The following ZNF480 variants were observed in gnomAD, a reference collection of about 807,000 sequenced individuals.
ZNF480 encodes the protein zinc finger protein 480.
ZNF480 carries 15 observed loss-of-function variants against 14.4 expected under a neutral mutation model. The observed-to-expected ratio is 1.04, with a 90% CI of 0.70 to 1.60. The LOEUF (loss-of-function observed/expected upper bound fraction) is 1.60, where lower values mean the gene tolerates loss of function less well. Among genes scored for constraint, ZNF480 ranks in the 40% most tolerant of loss-of-function variants. The pLI is 0.00. For missense variants in ZNF480, 593 were observed against 629.7 expected, an observed-to-expected ratio of 0.94 and a Z score of 0.62; for synonymous variants, 218 against 215.5, an observed-to-expected ratio of 1.01 and a Z score of -0.10.
chr19:52,316,382 T>C (rs967426189), intron 4 of ZNF480, among the ~76,000 whole-genome samples: 2 of 152,036 alleles, frequency 1.3e-5, no homozygotes, highest in Non-Finnish European at 2.9e-5. Context: ...ACCTGCACCA[T>C]GCCTGGCTAA....
rs1275691370 is a variant in ZNF480 at position 52,315,871 on chromosome 19, G to A, written c.237G>A (p.Leu79=). 6.2e-7 allele frequency: 1 copy of A among 1,612,524 alleles called. No individual in the cohort carries two copies. Among genetic ancestry groups the A allele is most frequent in the Non-Finnish European group, 8.5e-7 (1 of 1,179,190 alleles). ...SLPDLNINSM[L]EQRREPWSGE... is the part of the protein sequence containing the mutation. ...CTGACCTGAATATTAACTCCATGTT[G>A]GAGCAAAGGAGGGAGCCCTGGTCTG... The change falls in exon 4 of 5, where the codon TTG becomes TTA. Residue 79 remains leucine, a synonymous_variant. Coordinates refer to ENST00000595962, the MANE Select transcript of ZNF480 (RefSeq NM_144684.4).
Position 52,300,403 on chromosome 19 carries a change from C to G in ZNF480, c.-10C>G. 6.4e-7 allele frequency: 1 copy of G among 1,565,798 alleles called. No individual in the cohort carries two copies. The highest frequency in any genetic ancestry group is 8.7e-7 in the Non-Finnish European group (1 of 1,153,760). ...TATTTTTGACATTTAGGATTGACTTCTAAAGAGTCATGCTGTGTGATGAAA... is the reference window on the plus strand; with the variant it reads ...TATTTTTGACATTTAGGATTGACTTGTAAAGAGTCATGCTGTGTGATGAAA... On this transcript the variant is annotated 5_prime_UTR_variant, in exon 2 of 5. Transcript: ENST00000595962.
chr19:52,304,278 G>T (rs1392127909), intron 2 of ZNF480, among the ~76,000 whole-genome samples: 1 of 152,186 alleles, frequency 6.6e-6, no homozygotes, highest in Non-Finnish European at 1.5e-5. Flanking sequence ...GACTATTAAA[G>T]GCCAATTTTT....
intron 2 of ZNF480, chr19:52,313,931 A>G (rs1343408273): frequency 7.7e-6 from 3 of 392,076 alleles, no homozygotes; most frequent in Non-Finnish European, 1.5e-5. Context: ...GTGAGCCGAG[A>G]TTGCACCACT....
intron 2 of ZNF480, chr19:52,302,171 T>G: frequency 5.3e-6 from 1 of 188,458 alleles, no homozygotes; most frequent in Non-Finnish European, 1.1e-5. Context: ...AAGTTATTAT[T>G]TTACCTATTT....
In ZNF480 at chr19:52,322,981, A is replaced by G; in HGVS notation, c.*123A>G. 1.3e-6 allele frequency: 1 copy of G among 766,064 alleles called. No homozygotes were observed. Among genetic ancestry groups the G allele is most frequent in the South Asian group, 3.2e-5 (1 of 31,586 alleles). 47.5% of individuals were successfully genotyped at this position (766,064 alleles called of 1,614,324 possible). On this transcript the variant is annotated 3_prime_UTR_variant, in exon 5 of 5. Coordinates refer to ENST00000595962, the MANE Select transcript of ZNF480 (RefSeq NM_144684.4). ...AAAGAATATGACAAGGTCTTCAAAC[A>G]CAAGTTTTTCTAATAACTCATTAGA... is the stretch of plus-strand genomic sequence containing the variant.
intron 1 of ZNF480, among the ~76,000 whole-genome samples, chr19:52,298,997 A>T (rs183198229): frequency 1.8e-4 from 28 of 152,216 alleles, no homozygotes; most frequent in Non-Finnish European, 8.8e-5. Flanking sequence ...ATTTGATAAT[A>T]TGAAATATAC....
chr19:52,314,340 T>C lies in ZNF480; in HGVS notation c.199+61T>C, dbSNP rs973938060. ...CCTTGGTTATTTCAGCATTTTCCCT[T>C]GTGTGCCTCCTGGGAGCCCCTGCAT... is the stretch of plus-strand genomic sequence containing the variant. On this transcript the variant is annotated intron_variant, in intron 3 of 4. Transcript: ENST00000595962. 9.9e-6 allele frequency: 14 copies of C among 1,411,340 alleles called. No individual in the cohort carries two copies. The African/African-American group carries it at 1.0e-4, about 10-fold the overall frequency. The allele number at this position is 1,411,340 out of a possible 1,614,324, so 87.4% of individuals were successfully genotyped here.
At position 52,322,672 on chromosome 19, in the gene ZNF480, G is replaced by C; in HGVS notation, c.1422G>C (p.Gln474His). 3 of 1,613,672 alleles carry C rather than the reference G, an allele frequency of 1.9e-6. No individual in the cohort carries two copies. Among genetic ancestry groups the C allele is most frequent in the Non-Finnish European group, 2.5e-6 (3 of 1,179,780 alleles). The change falls in exon 5 of 5, where the codon CAG becomes CAC. Residue 474 changes from glutamine (Q) to histidine (H), a missense_variant. Transcript: ENST00000595962. Reference sequence around the variant, plus strand: ...ACAAGTTATCACTAACCAATCATCAGAGAATCCATACTGGAGAAAGACCTT... The same window carrying C: ...ACAAGTTATCACTAACCAATCATCACAGAATCCATACTGGAGAAAGACCTT... Reference protein sequence around the residue: ...FRHKLSLTNHQRIHTGERPYK... With the variant: ...FRHKLSLTNHHRIHTGERPYK...
chr19:52,314,827 CAAA>C, intron 3 of ZNF480, among the ~76,000 whole-genome samples: 1 of 150,070 alleles, frequency 6.7e-6, no homozygotes, highest in Non-Finnish European at 1.5e-5. Flanking sequence ...AACAAACAAA[CAAA>C]AAACTAAAAA....
chr19:52,311,909 G>C (rs1211373809), intron 2 of ZNF480, among the ~76,000 whole-genome samples: 1 of 152,176 alleles, frequency 6.6e-6, no homozygotes, highest in South Asian at 2.1e-4. Flanking sequence ...ATGTGTGCTA[G>C]TGTATATGGG....
chr19:52,311,038 C>T (rs1188232272), intron 2 of ZNF480, among the ~76,000 whole-genome samples: 2 of 147,150 alleles, frequency 1.4e-5, no homozygotes, highest in Non-Finnish European at 3.0e-5. Context: ...ATGTATACTG[C>T]TGAGATATTT....
At chr19:52,300,617 C>A in intron 2 of ZNF480, 133 bp downstream of exon 2, 1 of 1,491,540 alleles carries the variant, frequency 6.7e-7, no homozygotes, top group Non-Finnish European at 9.1e-7. Context: ...TGCCTTCCCT[C>A]AGTGCCGAGA....
intron 2 of ZNF480, among the ~76,000 whole-genome samples, chr19:52,312,824 A>G (rs1983352908): frequency 9.3e-6 from 1 of 106,980 alleles, no homozygotes; most frequent in Non-Finnish European, 2.1e-5. Flanking sequence ...CAGTTTTATA[A>G]TTCTTTTTTT....
chr19:52,321,013 A>G (rs1163243062), intron 4 of ZNF480, among the ~76,000 whole-genome samples: 2 of 152,216 alleles, frequency 1.3e-5, no homozygotes, highest in African/African-American at 2.4e-5. Flanking sequence ...CTAGTAATTT[A>G]GAGAGCTGCC....
At position 52,321,958 on chromosome 19, in the gene ZNF480, C is replaced by G. The variant is rs764265636; in HGVS notation, c.708C>G (p.Cys236Trp). ...TVEKPYKCNS[C>W]GKVFSRNSHL... is the part of the protein sequence containing the mutation. ...AGAAACCTTACAAATGTAATTCATGCGGCAAGGTCTTTAGTCGCAATTCAC... is the reference window on the plus strand; with the variant it reads ...AGAAACCTTACAAATGTAATTCATGGGGCAAGGTCTTTAGTCGCAATTCAC... Residue 236 changes from cysteine to tryptophan, a missense_variant, in exon 5 of 5, where the codon TGC becomes TGG. Coordinates refer to ENST00000595962, the MANE Select transcript of ZNF480 (RefSeq NM_144684.4). The G allele has an allele frequency of 6.2e-7, 1 of 1,612,274 alleles. No individual in the cohort carries two copies. The highest frequency in any genetic ancestry group is 8.5e-7 in the Non-Finnish European group (1 of 1,178,618).
intron 2 of ZNF480, among the ~76,000 whole-genome samples, chr19:52,305,661 T>C (rs1982894231): frequency 6.6e-6 from 1 of 152,202 alleles, no homozygotes; most frequent in Non-Finnish European, 1.5e-5. Context: ...CAGACTCCTG[T>C]TGGCACTTTT....
rs1984071122 is a variant in ZNF480 at position 52,325,732 on chromosome 19, CAAA to C, written c.*2875_*2877del. On this transcript the variant is annotated 3_prime_UTR_variant, in exon 5 of 5. Coordinates refer to ENST00000595962, the MANE Select transcript of ZNF480 (RefSeq NM_144684.4). ...GCTAAACATTGATTACACATGGACT[CAAA>C]GAAGGGAACAGTAGACACGGGCTTA... 2.0e-5 allele frequency: 3 copies of C among 152,096 alleles called. No individual in the cohort carries two copies. Among genetic ancestry groups the C allele is most frequent in the South Asian group, 2.1e-4 (1 of 4,822 alleles). The allele number at this position is 152,096 out of a possible 1,614,324, so 9.4% of individuals were successfully genotyped here. A position where few individuals can be genotyped will look rare whatever the true frequency, so the allele number is the denominator to read the frequency against.
chr19:52,300,540 C>T, intron 2 of ZNF480, 56 bp downstream of exon 2: 1 of 1,602,694 alleles, frequency 6.2e-7, no homozygotes. Flanking sequence ...AAACGCTGGG[C>T]CTTCGAGTTG....
Sources: allele counts gnomAD v4.1 joint callset (sites outside exome capture counted in the v4.1 genomes callset), GRCh38; gene constraint gnomAD v4.1.1; transcripts MANE v1.5; gene names NCBI Gene and HGNC (gene_info 2026-07-23, HGNC 2026-07-21).